The following SLC9C2 variants were observed in gnomAD, a reference collection of about 807,000 sequenced individuals.
The protein encoded by SLC9C2 is solute carrier family 9 member C2 (putative).
A neutral mutation model predicts 140.2 loss-of-function variants in SLC9C2; 75 were observed. The observed-to-expected ratio is 0.53, with a 90% CI of 0.44 to 0.65. SLC9C2 has a LOEUF of 0.65. SLC9C2 is among the 30% of genes least tolerant of loss of function. The pLI, the probability that SLC9C2 is intolerant of heterozygous loss-of-function variation, is 0.00. For missense variants in SLC9C2, 1,074 were observed against 1,331.8 expected (o/e 0.81, Z 3.01); for synonymous variants, 375 against 420.9 (o/e 0.89, Z 1.34).
intron 20 of SLC9C2, 71 bp downstream of exon 20, chr1:173,524,708 C>G (rs760709363): frequency 6.6e-5 from 101 of 1,524,186 alleles, no homozygotes; most frequent in Non-Finnish European, 8.3e-5. Context: ...TTCAATCTCC[C>G]TCCTTATTAC....
At chr1:173,599,341 A>C (rs1398835486) in intron 3 of SLC9C2, among the ~76,000 whole-genome samples, 1 of 132,660 alleles carries the variant, frequency 7.5e-6, no homozygotes, top group African/African-American at 2.8e-5. Flanking sequence ...TGAACCCAAG[A>C]GCGCAAACAC....
chr1:173,505,099 T>C, intron 26 of SLC9C2, 148 bp downstream of exon 26: 1 of 653,624 alleles, frequency 1.5e-6, no homozygotes, highest in South Asian at 2.1e-5. Context: ...CCCAGGGCAA[T>C]GTGGCAGCCA....
rs988270248 is a variant in SLC9C2, at chr1:173,517,823, G to A, written c.2740-119C>T. The stretch of plus-strand genomic sequence containing the variant: ...AATGGAAGGGAAAGATCTCCTGTCA[G>A]GTGTGAAAGAAGAATTAGGCTTAAG... On this transcript the variant is annotated intron_variant, in intron 22 of 27. Transcript: ENST00000367714. The A allele has an allele frequency of 9.6e-6, 8 of 831,176 alleles. No individual in the cohort carries two copies. The African/African-American group carries it at 1.1e-4, about 11-fold the overall frequency. The allele number at this position is 831,176 out of a possible 1,614,324, so 51.5% of individuals were successfully genotyped here. A position where few individuals can be genotyped will look rare whatever the true frequency, so the allele number is the denominator to read the frequency against.
Position 173,554,721 on chromosome 1 carries a change from C to T in SLC9C2, c.1297+12G>A. On this transcript the variant is annotated intron_variant, in intron 11 of 27. Coordinates refer to ENST00000367714, the MANE Select transcript of SLC9C2 (RefSeq NM_178527.4). ...CTCCCCAGCTAATTCATGAATGAGACACATACTTTACCTAACTTCCTGGCT... is the reference window on the plus strand; with the variant it reads ...CTCCCCAGCTAATTCATGAATGAGATACATACTTTACCTAACTTCCTGGCT... The T allele has an allele frequency of 2.6e-6, 4 of 1,558,506 alleles. No homozygotes were observed. Among genetic ancestry groups the T allele is most frequent in the Non-Finnish European group, 3.5e-6 (4 of 1,130,068 alleles).
chr1:173,574,509 T>TTC (rs1665037738), intron 8 of SLC9C2, among the ~76,000 whole-genome samples: 1 of 144,104 alleles, frequency 6.9e-6, no homozygotes, highest in South Asian at 2.3e-4. Context: ...TAAGTACTTT[T>TTC]TTTTTTTTTT....
intron 25 of SLC9C2, among the ~76,000 whole-genome samples, chr1:173,505,996 C>T (rs1382476106): frequency 6.6e-6 from 1 of 152,206 alleles, no homozygotes; most frequent in Admixed American, 6.5e-5. Flanking sequence ...ACTCCTGTTG[C>T]TTCCTTGCTT....
At chr1:173,512,234 A>G (rs554856604) in intron 23 of SLC9C2, among the ~76,000 whole-genome samples, 1 of 152,278 alleles carries the variant, frequency 6.6e-6, no homozygotes, top group African/African-American at 2.4e-5. Flanking sequence ...TCTATAAATA[A>G]CTTTGGGCAG....
chr1:173,513,327 G>A (rs1391839440), intron 23 of SLC9C2, among the ~76,000 whole-genome samples: 2 of 152,118 alleles, frequency 1.3e-5, no homozygotes, highest in Non-Finnish European at 2.9e-5. Flanking sequence ...ATTAATTACT[G>A]CTTCAATTTC....
intron 18 of SLC9C2, among the ~76,000 whole-genome samples, chr1:173,528,260 C>T (rs142564810): frequency 0.02 from 3,036 of 152,278 alleles, 48 homozygotes; most frequent in South Asian, 0.031. Context: ...CTCAAAAGGC[C>T]ATTTAAATCT....
Position 173,529,887 on chromosome 1 carries a change from C to T in SLC9C2, c.2313+18G>A, listed in dbSNP as rs377107286. 13 of 1,597,078 alleles carry T rather than the reference C, an allele frequency of 8.1e-6. No individual in the cohort carries two copies. The highest frequency in any genetic ancestry group is 1.1e-5 in the Non-Finnish European group (13 of 1,175,664). ...CTAAGGGGTTTTTCTCCCCAAATGA[C>T]CAGTGCTTGTTTCTCACCTGATATA... On this transcript the variant is annotated intron_variant, in intron 18 of 27. Coordinates refer to ENST00000367714, the MANE Select transcript of SLC9C2 (RefSeq NM_178527.4).
rs945641094 is a variant in SLC9C2 at position 173,501,002 on chromosome 1, T to G, written c.*92A>C. 9 of 1,341,680 alleles carry G rather than the reference T, an allele frequency of 6.7e-6. No homozygotes were observed. Among genetic ancestry groups the G allele is most frequent in the Non-Finnish European group, 8.8e-6 (9 of 1,026,114 alleles). 83.1% of individuals were successfully genotyped at this position (1,341,680 alleles called of 1,614,324 possible). On this transcript the variant is annotated 3_prime_UTR_variant, in exon 28 of 28. Coordinates refer to ENST00000367714, the MANE Select transcript of SLC9C2 (RefSeq NM_178527.4). ...AAACTCCTTGCAGATAATCCTTTAG[T>G]ATTTGAGCGAGGAAAGTAGTTTGGT...
chr1:173,570,643 CT>C (rs1387439003), intron 9 of SLC9C2, among the ~76,000 whole-genome samples: 1 of 152,116 alleles, frequency 6.6e-6, no homozygotes, highest in Non-Finnish European at 1.5e-5. Context: ...TCCTTATATC[CT>C]AGGCTGCCTT....
At chr1:173,601,537 CTT>C (rs1388338876) in intron 2 of SLC9C2, 111 bp downstream of exon 2, 1 of 1,185,426 alleles carries the variant, frequency 8.4e-7, no homozygotes, top group Non-Finnish European at 1.2e-6. Flanking sequence ...TCACTCATGT[CTT>C]ATCGTTTCAA....
chr1:173,516,468 C>T (rs1413438995), intron 23 of SLC9C2, among the ~76,000 whole-genome samples: 1 of 152,142 alleles, frequency 6.6e-6, no homozygotes, highest in African/African-American at 2.4e-5. Context: ...TCCTTCCACC[C>T]TCCACCCTCC....
chr1:173,547,028 C>T (rs1268749837), intron 13 of SLC9C2, among the ~76,000 whole-genome samples: 1 of 151,990 alleles, frequency 6.6e-6, no homozygotes, highest in Non-Finnish European at 1.5e-5. Context: ...ATTCTATCTA[C>T]TTTTGCATAT....
Position 173,501,041 on chromosome 1 carries a change from C to G in SLC9C2, c.*53G>C. On this transcript the variant is annotated 3_prime_UTR_variant, in exon 28 of 28. Coordinates refer to ENST00000367714, the MANE Select transcript of SLC9C2 (RefSeq NM_178527.4). Reference sequence around the variant, plus strand: ...AAGTAGTTTGGTCTTTAACCTGACTCCACACATCATATTTGTATCATTAAT... The same window carrying G: ...AAGTAGTTTGGTCTTTAACCTGACTGCACACATCATATTTGTATCATTAAT... 6.8e-7 allele frequency: 1 copy of G among 1,470,698 alleles called. No individual in the cohort carries two copies. The highest frequency in any genetic ancestry group is 9.0e-7 in the Non-Finnish European group (1 of 1,110,918). 91.1% of individuals were successfully genotyped at this position (1,470,698 alleles called of 1,614,324 possible).
chr1:173,540,376 A>G (rs1019139144), intron 13 of SLC9C2, among the ~76,000 whole-genome samples: 1 of 152,236 alleles, frequency 6.6e-6, no homozygotes, highest in Non-Finnish European at 1.5e-5. Context: ...TTAAGCCACC[A>G]AGGTCTGGGT....
chr1:173,546,164 C>T (rs1295392270), intron 13 of SLC9C2, among the ~76,000 whole-genome samples: 11 of 152,080 alleles, frequency 7.2e-5, no homozygotes. Context: ...TGGACGAGAG[C>T]CTTTCAAACT....
rs1659226090 is a variant in SLC9C2 at position 173,500,989 on chromosome 1, G to A, written c.*105C>T. 2 of 1,280,352 alleles carry A rather than the reference G, an allele frequency of 1.6e-6. No individual in the cohort carries two copies. Among genetic ancestry groups the A allele is most frequent in the African/African-American group, 1.5e-5 (1 of 65,476 alleles). 79.3% of individuals were successfully genotyped at this position (1,280,352 alleles called of 1,614,324 possible). ...GTAGCTTCTAAGTAAACTCCTTGCA[G>A]ATAATCCTTTAGTATTTGAGCGAGG... On this transcript the variant is annotated 3_prime_UTR_variant, in exon 28 of 28. Transcript: ENST00000367714.
Sources: gnomAD v4.1 joint callset for allele counts (sites outside exome capture counted in the v4.1 genomes callset) on GRCh38, gnomAD v4.1.1 for gene constraint, MANE v1.5 for transcripts, NCBI Gene and HGNC (gene_info 2026-07-23, HGNC 2026-07-21) for gene names.